The following RAD51B variants were observed in gnomAD, a reference collection of about 807,000 sequenced individuals.
RAD51B encodes the protein DNA repair protein RAD51 homolog 2.
A neutral mutation model predicts 42.2 loss-of-function variants in RAD51B; 38 were observed. The observed-to-expected ratio is 0.90, with a 90% CI of 0.70 to 1.18. The LOEUF is 1.18. Among genes scored for constraint, RAD51B ranks in the 50% most tolerant of loss-of-function variants. The pLI, the probability that RAD51B is intolerant of heterozygous loss-of-function variation, is 0.00. For missense variants in RAD51B, 373 were observed against 400.7 expected, an observed-to-expected ratio of 0.93 and a Z score of 0.59; for synonymous variants, 154 against 145.2, an observed-to-expected ratio of 1.06 and a Z score of -0.43.
chr14:68,263,956 T>C (rs1336636971), intron 7 of RAD51B, among the ~76,000 whole-genome samples: 1 of 152,254 alleles, frequency 6.6e-6, no homozygotes, highest in Non-Finnish European at 1.5e-5. Flanking sequence ...ACCATTTTGG[T>C]GCTTGTCTTC....
At chr14:68,378,159 G>A (rs559300198) in intron 8 of RAD51B, among the ~76,000 whole-genome samples, 1 of 152,228 alleles carries the variant, frequency 6.6e-6, no homozygotes, top group South Asian at 2.1e-4. Flanking sequence ...TAAAACATTA[G>A]CTTTAACTTT....
intron 7 of RAD51B, among the ~76,000 whole-genome samples, chr14:67,986,745 T>C (rs1157186337): frequency 6.6e-6 from 1 of 152,222 alleles, no homozygotes; most frequent in Non-Finnish European, 1.5e-5. Context: ...CTATGGTTTT[T>C]TTGTGAGATG....
chr14:68,412,152 A>T (rs2084437357), intron 9 of RAD51B, among the ~76,000 whole-genome samples: 1 of 152,196 alleles, frequency 6.6e-6, no homozygotes, highest in South Asian at 2.1e-4. Flanking sequence ...TTCTGTCTTC[A>T]TTCTTCATTC....
chr14:68,463,177 G>A (rs746884526), intron 9 of RAD51B, among the ~76,000 whole-genome samples: 10 of 152,170 alleles, frequency 6.6e-5, no homozygotes, highest in Non-Finnish European at 1.3e-4. Context: ...GGGGTTGTCT[G>A]CTTTGGAAGA....
At chr14:67,853,422 A>G (rs1364147763) in intron 4 of RAD51B, among the ~76,000 whole-genome samples, 1 of 152,198 alleles carries the variant, frequency 6.6e-6, no homozygotes, top group Non-Finnish European at 1.5e-5. Context: ...TTGTAACTGA[A>G]TATATAAGTA....
chr14:68,462,393 CAAAGA>C (rs2085867436), intron 9 of RAD51B, among the ~76,000 whole-genome samples: 1 of 152,166 alleles, frequency 6.6e-6, no homozygotes, highest in African/African-American at 2.4e-5. Flanking sequence ...GTGCCAAGCA[CAAAGA>C]AAAGAGCCCA....
At chr14:68,494,515 G>A (rs1884350427) in intron 10 of RAD51B, among the ~76,000 whole-genome samples, 1 of 152,158 alleles carries the variant, frequency 6.6e-6, no homozygotes, top group Admixed American at 6.5e-5. Context: ...CTGAAAGACG[G>A]TGAACTGGGG....
At chr14:68,255,997 T>G (rs1388631621) in intron 7 of RAD51B, among the ~76,000 whole-genome samples, 1 of 152,336 alleles carries the variant, frequency 6.6e-6, no homozygotes, top group Admixed American at 6.5e-5. Flanking sequence ...TCCAGTCATC[T>G]CTAAACATTC....
At chr14:68,204,210 C>G (rs1013961258) in intron 7 of RAD51B, among the ~76,000 whole-genome samples, 3 of 152,184 alleles carry the variant, frequency 2.0e-5, no homozygotes, top group African/African-American at 7.2e-5. Context: ...AAGTGTGATT[C>G]TTTCTTTCAC....
intron 8 of RAD51B, among the ~76,000 whole-genome samples, chr14:68,299,718 A>G (rs948504143): frequency 1.3e-5 from 2 of 152,200 alleles, no homozygotes; most frequent in Non-Finnish European, 2.9e-5. Context: ...ACCTAGGGAG[A>G]CTGGCTCCAG....
At chr14:68,005,958 T>G (rs1011356905) in intron 7 of RAD51B, among the ~76,000 whole-genome samples, 5 of 152,092 alleles carry the variant, frequency 3.3e-5, no homozygotes, top group Non-Finnish European at 7.4e-5. Flanking sequence ...CTCTACACTT[T>G]TAGCAGGAGG....
At chr14:67,866,847 T>G (rs992969540) in intron 5 of RAD51B, among the ~76,000 whole-genome samples, 6 of 152,222 alleles carry the variant, frequency 3.9e-5, no homozygotes, top group South Asian at 4.1e-4. Context: ...CCAATGTGCA[T>G]GTTGGTATTT....
Position 68,151,302 on chromosome 14 carries a change from A to G in RAD51B, c.757-140582A>G, listed in dbSNP as rs573570775. ...TCCTTATCTTTGTTCCTCTGCATAT[A>G]TATATAATTTTTTTAATCTTGTTGT... On this transcript the variant is annotated intron_variant, in intron 7 of 10. Transcript: ENST00000471583. Among the ~76,000 whole-genome samples, 3 of 151,638 alleles carry G rather than the reference A, an allele frequency of 2.0e-5. No homozygotes were observed. The South Asian group carries it at 6.2e-4, about 31-fold the overall frequency.
chr14:67,998,261 A>G (rs2075421096), intron 7 of RAD51B, among the ~76,000 whole-genome samples: 2 of 152,238 alleles, frequency 1.3e-5, no homozygotes, highest in Non-Finnish European at 2.9e-5. Context: ...GGCTGAAGCA[A>G]ATCTGACTGA....
At chr14:68,441,541 C>CAAAAAAAA (rs67477807) in intron 9 of RAD51B, among the ~76,000 whole-genome samples, 8 of 68,030 alleles carry the variant, frequency 1.2e-4, no homozygotes, top group Admixed American at 2.0e-4. Context: ...GACTCCATCT[C>CAAAAAAAA]AAAAAAAAAA....
At chr14:68,087,956 T>A (rs1459637699) in intron 7 of RAD51B, among the ~76,000 whole-genome samples, 3 of 114,738 alleles carry the variant, frequency 2.6e-5, no homozygotes, top group African/African-American at 4.3e-5. Context: ...TATATATAAT[T>A]ATATAATTTA....
chr14:68,244,492 T>C (rs190923593), intron 7 of RAD51B, among the ~76,000 whole-genome samples: 1 of 152,340 alleles, frequency 6.6e-6, no homozygotes, highest in Admixed American at 6.5e-5. Context: ...CTTCTATTGA[T>C]AGGCTGCTTG....
At chr14:68,364,229 C>T (rs1318294851) in intron 8 of RAD51B, among the ~76,000 whole-genome samples, 2 of 152,194 alleles carry the variant, frequency 1.3e-5, no homozygotes, top group Non-Finnish European at 2.9e-5. Flanking sequence ...TCCCTCTGCG[C>T]CCACTCCTCA....
chr14:67,857,364 T>C (rs1433614380), intron 4 of RAD51B, among the ~76,000 whole-genome samples: 2 of 152,182 alleles, frequency 1.3e-5, no homozygotes, highest in Non-Finnish European at 2.9e-5. Flanking sequence ...TTACTGTTAT[T>C]CACATGATGT....
Sources: gnomAD v4.1 joint callset for allele counts (sites outside exome capture counted in the v4.1 genomes callset) on GRCh38, gnomAD v4.1.1 for gene constraint, MANE v1.5 for transcripts, NCBI Gene and HGNC (gene_info 2026-07-23, HGNC 2026-07-21) for gene names.